The following NF2 variants were observed in gnomAD, a reference collection of about 807,000 sequenced individuals.
NF2 encodes the protein NF2, moesin-ezrin-radixin like (MERLIN) tumor suppressor, also known as merlin.
Under a neutral mutation model 83.7 loss-of-function variants are expected in NF2, and 8 were observed. The ratio of observed to expected loss-of-function variants is 0.10; its 90% CI spans 0.06 to 0.17. NF2 has a LOEUF of 0.17. NF2 is among the 10% of genes least tolerant of loss of function. The pLI is 1.00. For synonymous variants in NF2, 266 were observed against 269.6 expected, an observed-to-expected ratio of 0.99 and a Z score of 0.13; for missense variants, 533 against 744.4, an observed-to-expected ratio of 0.72 and a Z score of 3.31.
chr22:29,693,523 G>A (rs373235793), intron 15 of NF2, among the ~76,000 whole-genome samples: 5 of 152,146 alleles, frequency 3.3e-5, no homozygotes, highest in African/African-American at 7.2e-5. Context: ...CGATAGTACC[G>A]AGGACTCTTC....
In NF2 at chr22:29,681,520, A is replaced by G; in HGVS notation, c.1656A>G (p.Lys552=). 2 of 1,614,220 alleles carry G rather than the reference A, an allele frequency of 1.2e-6. No homozygotes were observed. The highest frequency in any genetic ancestry group is 1.7e-6 in the Non-Finnish European group (2 of 1,180,038). Reference sequence around the variant, plus strand: ...CAGAAATCGAGGCCTTGAAACTGAAAGAGAGGGAGACAGCTCTGGATATTC... The same window carrying G: ...CAGAAATCGAGGCCTTGAAACTGAAGGAGAGGGAGACAGCTCTGGATATTC... ...LKTEIEALKL[K]ERETALDILH... The change falls in exon 15 of 16, where the codon AAA becomes AAG. Residue 552 remains lysine, a synonymous_variant. Transcript: ENST00000338641.
Position 29,667,007 on chromosome 22 carries a change from C to A in NF2, c.886-1326C>A, listed in dbSNP as rs1162500552. 3.3e-5 allele frequency among the ~76,000 whole-genome samples: 5 copies of A among 151,940 alleles called. 1 individual carries two copies. In the South Asian group the frequency reaches 8.3e-4, roughly 25 times the overall value. ...AAAAAATAAATACATAAAAATAAAT[C>A]AAAAATAGAGCTTAGAGTATATACA... On this transcript the variant is annotated intron_variant, in intron 9 of 15. Coordinates refer to ENST00000338641, the MANE Select transcript of NF2 (RefSeq NM_000268.4).
At chr22:29,683,988 C>A in intron 15 of NF2, 1 of 923,290 alleles carries the variant, frequency 1.1e-6, no homozygotes, top group Non-Finnish European at 1.3e-6. Flanking sequence ...AGGATGTGTC[C>A]TTTGGAGTCT....
rs977343219 is a variant in NF2 at position 29,636,160 on chromosome 22, T to A, written c.115-591T>A. Among the ~76,000 whole-genome samples, 1 of 152,098 alleles carries A rather than the reference T, an allele frequency of 6.6e-6. No homozygotes were observed. The highest frequency in any genetic ancestry group is 1.5e-5 in the Non-Finnish European group (1 of 68,018). On this transcript the variant is annotated intron_variant, in intron 1 of 15. Coordinates refer to ENST00000338641, the MANE Select transcript of NF2 (RefSeq NM_000268.4). This position sits in a 1 kb window ranked among gnomAD's most constrained non-coding sequence, Gnocchi z 4.4. ...AATTTGCTCTGGGTGACTGGGTGAGTAGCTTCCCCTTTGGCCTCAGTTAGG... is the reference window on the plus strand; with the variant it reads ...AATTTGCTCTGGGTGACTGGGTGAGAAGCTTCCCCTTTGGCCTCAGTTAGG...
intron 1 of NF2, among the ~76,000 whole-genome samples, chr22:29,617,256 C>T (rs921262047): frequency 1.3e-5 from 2 of 152,102 alleles, no homozygotes; most frequent in Non-Finnish European, 2.9e-5. Context: ...TGACATTTTT[C>T]AGCCGCAATT....
chr22:29,654,864 T>C, intron 5 of NF2, 139 bp downstream of exon 5: 1 of 737,960 alleles, frequency 1.4e-6, no homozygotes, highest in Admixed American at 2.1e-5. Flanking sequence ...CAGTAAACAG[T>C]GTGGGATCTC....
At chr22:29,641,814 AG>A (rs2065817893) in intron 3 of NF2, among the ~76,000 whole-genome samples, 1 of 152,172 alleles carries the variant, frequency 6.6e-6, no homozygotes, top group African/African-American at 2.4e-5. Flanking sequence ...AATACTTAAA[AG>A]TAGATCCATT....
At chr22:29,650,030 TA>T (rs1449529859) in intron 4 of NF2, among the ~76,000 whole-genome samples, 1 of 152,026 alleles carries the variant, frequency 6.6e-6, no homozygotes, top group African/African-American at 2.4e-5. Flanking sequence ...CCACAAACAT[TA>T]AAAATTAAAA....
Position 29,678,309 on chromosome 22 carries a change from G to T in NF2, c.1560G>T (p.Glu520Asp). ...CTGACATGAAGCGGCTTTCCATGGA[G>T]ATAGAGAAAGAAAAGTATGTAGCCC... ...KDTDMKRLSM[E>D]IEKEKVEYME... Residue 520 changes from glutamate (E) to aspartate (D), a missense_variant, in exon 14 of 16, where the codon GAG (glutamate) becomes GAT (aspartate). Around this residue, in one of 3 missense-constraint regions of NF2, gnomAD observed 199 missense variants for 240.7 expected, o/e 0.83. Coordinates refer to ENST00000338641, the MANE Select transcript of NF2 (RefSeq NM_000268.4). 2 of 1,613,926 alleles carry T rather than the reference G, an allele frequency of 1.2e-6. No individual in the cohort carries two copies. The highest frequency in any genetic ancestry group is 1.7e-5 in the Admixed American group (1 of 60,014).
intron 3 of NF2, among the ~76,000 whole-genome samples, chr22:29,640,135 C>T (rs558218733): frequency 7.2e-6 from 1 of 139,678 alleles, no homozygotes; most frequent in South Asian, 2.3e-4. Flanking sequence ...GCGGAGGTTG[C>T]AGTGAGCCAA....
In NF2 at chr22:29,665,057, A is replaced by G; in HGVS notation, c.878A>G (p.Asn293Ser). The change falls in exon 9 of 16, where the codon AAT (asparagine) becomes AGT (serine). Residue 293 changes from asparagine to serine, a missense_variant. By Grantham distance (46) the Asn-to-Ser change is conservative. Coordinates refer to ENST00000338641, the MANE Select transcript of NF2 (RefSeq NM_000268.4). ...FKFNSSKLRVNKLILQLCIGN... is the reference protein window; with the variant it reads ...FKFNSSKLRVSKLILQLCIGN... Reference sequence around the variant, plus strand: ...TTTAACTCCTCAAAGCTTCGTGTTAATAAGCTGGTAAGTTGAGATCCTGGT... The same window carrying G: ...TTTAACTCCTCAAAGCTTCGTGTTAGTAAGCTGGTAAGTTGAGATCCTGGT... 1 of 1,612,496 alleles carries G rather than the reference A, an allele frequency of 6.2e-7. No individual in the cohort carries two copies. Among genetic ancestry groups the G allele is most frequent in the Non-Finnish European group, 8.5e-7 (1 of 1,178,520 alleles).
In NF2 at chr22:29,674,830, T is replaced by G; in HGVS notation, c.1341-6T>G. 1 of 1,553,820 alleles carries G rather than the reference T, an allele frequency of 6.4e-7. No individual in the cohort carries two copies. Among genetic ancestry groups the G allele is most frequent in the Non-Finnish European group, 8.7e-7 (1 of 1,147,914 alleles). ...GTGAAGCTGACATCTCATCCTTTCC[T>G]TGCAGGGCCAAAGAGGCAGATCAGC... is the stretch of plus-strand genomic sequence containing the variant. On this transcript the variant is annotated splice_polypyrimidine_tract_variant and splice_region_variant and intron_variant, in intron 12 of 15. Transcript: ENST00000338641.
chr22:29,695,736 G>C lies in NF2; in HGVS notation c.*934G>C, dbSNP rs145820299. ...GCTGCTTCTCACTGGCCCAGACTCT[G>C]AGCTCCACCGGCCCAGTCTGCACGG... On this transcript the variant is annotated 3_prime_UTR_variant, in exon 16 of 16. Transcript: ENST00000338641. This position sits in a 1 kb window ranked among gnomAD's most constrained non-coding sequence, Gnocchi z 5.4. 4.3e-6 allele frequency: 1 copy of C among 233,882 alleles called. No individual in the cohort carries two copies. The highest frequency in any genetic ancestry group is 8.4e-6 in the Non-Finnish European group (1 of 118,450). The allele number at this position is 233,882 out of a possible 1,614,324, so 14.5% of individuals were successfully genotyped here. A position where few individuals can be genotyped will look rare whatever the true frequency, so the allele number is the denominator to read the frequency against.
chr22:29,695,252 C>G lies in NF2; in HGVS notation c.*450C>G, dbSNP rs557890822. The G allele has an allele frequency of 5.0e-5, 17 of 340,740 alleles. No individual in the cohort carries two copies. The highest frequency in any genetic ancestry group is 8.9e-5 in the Non-Finnish European group (16 of 180,720). 21.1% of individuals were successfully genotyped at this position (340,740 alleles called of 1,614,324 possible). ...CATTCATTCCCCCACCGGTGAGGAC[C>G]TGGCATGCAGCGAAGCAGCCCAGCC... On this transcript the variant is annotated 3_prime_UTR_variant, in exon 16 of 16. Transcript: ENST00000338641. The surrounding 1 kb of genome is among the most constrained non-coding windows in gnomAD (Gnocchi z 5.4).
intron 2 of NF2, among the ~76,000 whole-genome samples, chr22:29,637,594 C>T (rs1185410618): frequency 6.6e-6 from 1 of 152,188 alleles, no homozygotes; most frequent in Non-Finnish European, 1.5e-5. Flanking sequence ...TCCTAAAAGA[C>T]ACCTGAACTT....
intron 15 of NF2, chr22:29,683,357 T>A (rs1274292963): frequency 1.5e-6 from 2 of 1,378,466 alleles, no homozygotes; most frequent in Admixed American, 3.0e-5. Context: ...GGGAAGGTTA[T>A]GGCTTCTTGT....
At position 29,603,905 on chromosome 22, in the gene NF2, G is replaced by C. The variant is rs2064708842; in HGVS notation, c.-94G>C. ...CCGGGCCGGGCAGCCGGCCACCATG[G>C]TGGCCCTGAGGCCTGTGCAGCAACT... On this transcript the variant is annotated 5_prime_UTR_variant, in exon 1 of 16. Transcript: ENST00000338641. The C allele has an allele frequency of 8.2e-6, 8 of 976,560 alleles. No homozygotes were observed. Among genetic ancestry groups the C allele is most frequent in the Non-Finnish European group, 1.2e-5 (8 of 653,544 alleles). The allele number at this position is 976,560 out of a possible 1,614,324, so 60.5% of individuals were successfully genotyped here. A position where few individuals can be genotyped will look rare whatever the true frequency, so the allele number is the denominator to read the frequency against.
At chr22:29,619,226 G>A (rs764756751) in intron 1 of NF2, among the ~76,000 whole-genome samples, 68 of 152,154 alleles carry the variant, frequency 4.5e-4, no homozygotes, top group Non-Finnish European at 8.7e-4. Flanking sequence ...TAGATTTTTA[G>A]TAAAGACAGG....
rs917012886 is a variant in NF2, at chr22:29,681,539, G to T, written c.1675G>T (p.Asp559Tyr). Residue 559 changes from aspartate to tyrosine, a missense_variant, in exon 15 of 16, where the codon GAT becomes TAT. Asp to Tyr is a radical substitution (Grantham distance 160). Coordinates refer to ENST00000338641, the MANE Select transcript of NF2 (RefSeq NM_000268.4). Reference protein sequence around the residue: ...LKLKERETALDILHNENSDRG... With the variant: ...LKLKERETALYILHNENSDRG... The stretch of plus-strand genomic sequence containing the variant: ...ACTGAAAGAGAGGGAGACAGCTCTG[G>T]ATATTCTGCACAATGAGAACTCCGA... 5.0e-6 allele frequency: 8 copies of T among 1,614,076 alleles called. No individual in the cohort carries two copies. The highest frequency in any genetic ancestry group is 1.3e-5 in the African/African-American group (1 of 74,924).
Sources: allele counts gnomAD v4.1 joint callset (sites outside exome capture counted in the v4.1 genomes callset), GRCh38; gene constraint gnomAD v4.1.1; regional missense constraint gnomAD v4.1.1; non-coding constraint Gnocchi (gnomAD v3.1); transcripts MANE v1.5; gene names NCBI Gene and HGNC (gene_info 2026-07-23, HGNC 2026-07-21).